ATP11C: variants seen among roughly 807,000 people sequenced by gnomAD.
ATP11C encodes phospholipid-transporting ATPase IG.
A neutral mutation model predicts 97.4 loss-of-function variants in ATP11C; 36 were observed. The observed-to-expected ratio is 0.37, with a 90% CI of 0.28 to 0.49. The LOEUF is 0.49. Among genes scored for constraint, ATP11C ranks in the 20% least tolerant of loss-of-function variants. The probability of loss-of-function intolerance (pLI) is 0.98; values close to 1 mark genes in which losing one functional copy is unlikely to be tolerated. For missense variants in ATP11C, 730 were observed against 824.6 expected (o/e 0.89, Z 1.40); for synonymous variants, 275 against 290.9 (o/e 0.95, Z 0.56).
chrX:139,796,890 A>C (rs189325511), intron 11 of ATP11C, among the ~76,000 whole-genome samples: 119 of 111,718 alleles, frequency 1.1e-3, no homozygotes, highest in Non-Finnish European at 1.9e-3. Context: ...AAAGAGCTAA[A>C]AACAAGCATA....
chrX:139,799,907 C>T (rs1319642256), intron 8 of ATP11C, among the ~76,000 whole-genome samples, 153 bp downstream of exon 8: 2 of 109,735 alleles, frequency 1.8e-5, no homozygotes, highest in Non-Finnish European at 3.8e-5. Context: ...CCACCTCAGC[C>T]TCCCAAAGTG....
At chrX:139,748,381 T>C (rs1296318630) in intron 24 of ATP11C, among the ~76,000 whole-genome samples, 4 of 110,809 alleles carry the variant, frequency 3.6e-5, no homozygotes, top group Non-Finnish European at 7.6e-5. Context: ...GAATTCTGCC[T>C]ACTACTCCTC....
intron 1 of ATP11C, among the ~76,000 whole-genome samples, chrX:139,850,254 C>T (rs1183419709): frequency 9.0e-6 from 1 of 110,741 alleles, no homozygotes; most frequent in African/African-American, 3.3e-5. Flanking sequence ...GATGAGGGCT[C>T]GGAAGAAGAG....
At chrX:139,899,373 AGG>A (rs1289373297) in intron 1 of ATP11C, among the ~76,000 whole-genome samples, 1 of 109,315 alleles carries the variant, frequency 9.1e-6, no homozygotes, top group Non-Finnish European at 1.9e-5. Flanking sequence ...GCTACTCGGG[AGG>A]CTGAGGCAGG....
chrX:139,905,357 A>G (rs960416058), intron 1 of ATP11C, among the ~76,000 whole-genome samples: 1 of 112,118 alleles, frequency 8.9e-6, no homozygotes, highest in Admixed American at 9.5e-5. Context: ...CTCCTTTCAC[A>G]TTTGTGGAAG....
intron 1 of ATP11C, among the ~76,000 whole-genome samples, chrX:139,917,371 G>A (rs771287531): frequency 5.7e-4 from 64 of 111,665 alleles, no homozygotes; most frequent in South Asian, 2.2e-3. Flanking sequence ...GTTCATCAAA[G>A]TAAGTAATCA....
chrX:139,887,507 A>T (rs2084661609), intron 1 of ATP11C, among the ~76,000 whole-genome samples: 1 of 111,105 alleles, frequency 9.0e-6, no homozygotes, highest in Admixed American at 9.6e-5. Flanking sequence ...GCACACCTAT[A>T]GTACCAGCTA....
chrX:139,810,743 C>A (rs1312313984), intron 5 of ATP11C, among the ~76,000 whole-genome samples: 2 of 111,550 alleles, frequency 1.8e-5, no homozygotes, highest in Admixed American at 9.6e-5. Context: ...TACCTCTTAG[C>A]ATTGTTCCTC....
intron 1 of ATP11C, among the ~76,000 whole-genome samples, chrX:139,914,185 C>T (rs1336989879): frequency 8.9e-6 from 1 of 112,028 alleles, no homozygotes; most frequent in Non-Finnish European, 1.9e-5. Flanking sequence ...TTTCTGAATT[C>T]TCAATTCACT....
chrX:139,877,530 T>C (rs1039205084), intron 1 of ATP11C, among the ~76,000 whole-genome samples: 3 of 111,008 alleles, frequency 2.7e-5, no homozygotes, highest in South Asian at 3.9e-4. Context: ...ACACACCTAG[T>C]ATCAGTAGAG....
At chrX:139,846,994 T>C (rs1009745784) in intron 1 of ATP11C, among the ~76,000 whole-genome samples, 1 of 110,367 alleles carries the variant, frequency 9.1e-6, no homozygotes, top group African/African-American at 3.3e-5. Context: ...TCTCATCCAA[T>C]TGCCTATCCT....
chrX:139,887,102 AG>A (rs1449218091), intron 1 of ATP11C, among the ~76,000 whole-genome samples: 1 of 112,120 alleles, frequency 8.9e-6, no homozygotes, highest in Non-Finnish European at 1.9e-5. Context: ...GACAAAGTAT[AG>A]TTTTTTTCGT....
intron 1 of ATP11C, among the ~76,000 whole-genome samples, chrX:139,876,714 C>G (rs2084480234): frequency 8.9e-6 from 1 of 111,996 alleles, no homozygotes; most frequent in South Asian, 3.7e-4. Flanking sequence ...TGAGAGGACT[C>G]CAGGAGGTAA....
At chrX:139,862,148 G>A (rs1252161856) in intron 1 of ATP11C, among the ~76,000 whole-genome samples, 1 of 111,673 alleles carries the variant, frequency 9.0e-6, no homozygotes, top group Non-Finnish European at 1.9e-5. Flanking sequence ...AGGGCTTCTG[G>A]ATAGCTGAAC....
chrX:139,907,741 C>CT (rs1159476482), intron 1 of ATP11C, among the ~76,000 whole-genome samples: 1 of 108,150 alleles, frequency 9.2e-6, no homozygotes, highest in African/African-American at 3.4e-5. Context: ...GAGCGACACT[C>CT]TGTCTCAAAA....
chrX:139,851,906 C>T (rs2083995978), intron 1 of ATP11C, among the ~76,000 whole-genome samples: 1 of 111,642 alleles, frequency 9.0e-6, no homozygotes, highest in Admixed American at 9.5e-5. Context: ...ATAACTTGTT[C>T]ATTTCACAGG....
chrX:139,829,928 C>T (rs140817806), intron 1 of ATP11C, among the ~76,000 whole-genome samples: 20 of 111,245 alleles, frequency 1.8e-4, no homozygotes, highest in Non-Finnish European at 3.8e-4. Flanking sequence ...ATTTAACTGG[C>T]ACCATCTTAA....
intron 2 of ATP11C, among the ~76,000 whole-genome samples, chrX:139,824,142 A>T (rs1171558987): frequency 2.8e-5 from 3 of 107,285 alleles, no homozygotes; most frequent in African/African-American, 6.8e-5. Flanking sequence ...AAAAAAAAAA[A>T]TTAATTAATT....
Position 139,741,014 on chromosome X carries a change from T to G in ATP11C, c.3111A>C (p.Ser1037=). ...ACCAAATAATTCCTCCCCAGAAGAA[T>G]GAGAAAAATACATAGAAGGCTAAAG... ...WGSLAFYVFF[S]FFWGGIIWPF... The change falls in exon 27 of 30, where the codon TCA becomes TCC. Residue 1037 remains serine (S), a synonymous_variant. Coordinates refer to ENST00000682941, the MANE Select transcript of ATP11C (RefSeq NM_001353812.2). 8.3e-7 allele frequency: 1 copy of G among 1,201,452 alleles called. No individual in the cohort carries two copies. Among genetic ancestry groups the G allele is most frequent in the African/African-American group, 1.7e-5 (1 of 57,493 alleles).
Sources: gnomAD v4.1 joint callset for allele counts (sites outside exome capture counted in the v4.1 genomes callset) on GRCh38, gnomAD v4.1.1 for gene constraint, MANE v1.5 for transcripts, NCBI Gene and HGNC (gene_info 2026-07-23, HGNC 2026-07-21) for gene names.